BTBD9: variants seen among roughly 807,000 people sequenced by gnomAD.
The protein encoded by BTBD9 is BTB/POZ domain-containing protein 9.
A neutral mutation model predicts 64.3 loss-of-function variants in BTBD9; 49 were observed. The observed-to-expected ratio is 0.76, with a 90% CI of 0.61 to 0.97. The LOEUF is 0.97. BTBD9 is among the 50% of genes least tolerant of loss of function. BTBD9 has a pLI of 0.00. For synonymous variants in BTBD9, 260 were observed against 274.7 expected, an observed-to-expected ratio of 0.95 and a Z score of 0.53; for missense variants, 598 against 762.1, an observed-to-expected ratio of 0.78 and a Z score of 2.53.
intron 8 of BTBD9, among the ~76,000 whole-genome samples, chr6:38,260,405 A>G (rs1764749681): frequency 6.6e-6 from 1 of 152,230 alleles, no homozygotes; most frequent in African/African-American, 2.4e-5. Flanking sequence ...CCTTCTAGAT[A>G]ATCATAAGCT....
intron 1 of BTBD9, among the ~76,000 whole-genome samples, chr6:38,635,862 T>TA (rs1778512075): frequency 6.6e-6 from 1 of 152,144 alleles, no homozygotes; most frequent in African/African-American, 2.4e-5. Flanking sequence ...AAACATAAAA[T>TA]ATGAAATAGC....
intron 9 of BTBD9, among the ~76,000 whole-genome samples, chr6:38,224,717 C>T (rs1003428578): frequency 6.6e-6 from 1 of 152,186 alleles, no homozygotes; most frequent in Non-Finnish European, 1.5e-5. Flanking sequence ...GGTTCAAGTA[C>T]AAAGGTAACT....
At chr6:38,266,618 GAAAGA>G (rs1764994575) in intron 8 of BTBD9, among the ~76,000 whole-genome samples, 13 of 16,074 alleles carry the variant, frequency 8.1e-4, no homozygotes, top group Non-Finnish European at 1.2e-3. Context: ...AAGAAAGAAA[GAAAGA>G]AAGAAAGAAA....
At chr6:38,381,956 T>C (rs1765953223) in intron 6 of BTBD9, among the ~76,000 whole-genome samples, 1 of 152,232 alleles carries the variant, frequency 6.6e-6, no homozygotes, top group South Asian at 2.1e-4. Context: ...TAACAATTAC[T>C]AAAACTTGTG....
At chr6:38,507,568 G>A (rs1562275904) in intron 6 of BTBD9, among the ~76,000 whole-genome samples, 1 of 152,082 alleles carries the variant, frequency 6.6e-6, no homozygotes, top group South Asian at 2.1e-4. Context: ...ATGTCTTACT[G>A]ACCTCTCCGT....
intron 7 of BTBD9, among the ~76,000 whole-genome samples, chr6:38,313,557 T>C (rs938494041): frequency 1.3e-5 from 2 of 152,208 alleles, no homozygotes; most frequent in African/African-American, 4.8e-5. Flanking sequence ...ATGTTCCTTC[T>C]ATACCCAGTT....
At chr6:38,630,735 A>T (rs1778334849) in intron 1 of BTBD9, among the ~76,000 whole-genome samples, 1 of 152,234 alleles carries the variant, frequency 6.6e-6, no homozygotes, top group South Asian at 2.1e-4. Flanking sequence ...CAAAATATAA[A>T]CCTAACTGCA....
chr6:38,531,531 A>C (rs1469160567), intron 6 of BTBD9, among the ~76,000 whole-genome samples: 1 of 152,246 alleles, frequency 6.6e-6, no homozygotes, highest in African/African-American at 2.4e-5. Context: ...GAATACAAAG[A>C]AAAATGGAAT....
At chr6:38,549,196 A>T (rs1028123448) in intron 6 of BTBD9, among the ~76,000 whole-genome samples, 1 of 152,244 alleles carries the variant, frequency 6.6e-6, no homozygotes, top group African/African-American at 2.4e-5. Flanking sequence ...TGAGCTATGA[A>T]CGCTGGTAAG....
At chr6:38,569,798 G>A (rs922375039) in intron 6 of BTBD9, among the ~76,000 whole-genome samples, 31 of 151,368 alleles carry the variant, frequency 2.0e-4, no homozygotes, top group African/African-American at 7.3e-4. Context: ...GGATTTTTTT[G>A]CTATTGTTGT....
chr6:38,533,989 A>C (rs1462335737), intron 6 of BTBD9, among the ~76,000 whole-genome samples: 1 of 152,084 alleles, frequency 6.6e-6, no homozygotes, highest in African/African-American at 2.4e-5. Context: ...AAAAAGAGCA[A>C]ATCAAACCAA....
chr6:38,610,756 T>C (rs1582714344), intron 1 of BTBD9, among the ~76,000 whole-genome samples: 1 of 152,218 alleles, frequency 6.6e-6, no homozygotes, highest in East Asian at 1.9e-4. Flanking sequence ...AACAATGTTC[T>C]CATATACTGT....
intron 9 of BTBD9, among the ~76,000 whole-genome samples, chr6:38,234,553 A>T (rs867087904): frequency 6.6e-6 from 1 of 152,254 alleles, no homozygotes; most frequent in East Asian, 1.9e-4. Flanking sequence ...TTAGAAGTAA[A>T]TCCATTATAT....
At chr6:38,361,513 A>G (rs551122955) in intron 6 of BTBD9, among the ~76,000 whole-genome samples, 13 of 152,132 alleles carry the variant, frequency 8.5e-5, no homozygotes, top group African/African-American at 2.7e-4. Flanking sequence ...ACGGCGCTCC[A>G]GCCTGGGTAA....
intron 6 of BTBD9, among the ~76,000 whole-genome samples, chr6:38,412,846 G>A (rs994920168): frequency 4.1e-5 from 5 of 121,092 alleles, no homozygotes; most frequent in Non-Finnish European, 6.9e-5. Context: ...GTGACAAAGC[G>A]AGACTCCATC....
intron 6 of BTBD9, among the ~76,000 whole-genome samples, chr6:38,451,324 A>C (rs1769533815): frequency 6.6e-6 from 1 of 152,178 alleles, no homozygotes; most frequent in African/African-American, 2.4e-5. Context: ...GTGCTTACTA[A>C]AGTGCAAGTT....
chr6:38,256,692 G>A (rs1173420820), intron 8 of BTBD9, among the ~76,000 whole-genome samples, 176 bp from the exon 9 acceptor site: 1 of 152,158 alleles, frequency 6.6e-6, no homozygotes, highest in Admixed American at 6.5e-5. Flanking sequence ...TGCAGTGAGA[G>A]GCTTTTTATC....
intron 6 of BTBD9, among the ~76,000 whole-genome samples, chr6:38,520,855 G>A (rs1773243679): frequency 6.6e-6 from 1 of 152,132 alleles, no homozygotes; most frequent in African/African-American, 2.4e-5. Flanking sequence ...GCTGAGATGG[G>A]AGAATTGCTT....
At chr6:38,385,323 G>A (rs191817393) in intron 6 of BTBD9, among the ~76,000 whole-genome samples, 133 of 151,486 alleles carry the variant, frequency 8.8e-4, no homozygotes, top group Non-Finnish European at 1.6e-3. Flanking sequence ...CCAAGTAGCT[G>A]GGATTACAGG....
Sources: gnomAD v4.1 joint callset for allele counts (sites outside exome capture counted in the v4.1 genomes callset) on GRCh38, gnomAD v4.1.1 for gene constraint, MANE v1.5 for transcripts, NCBI Gene and HGNC (gene_info 2026-07-23, HGNC 2026-07-21) for gene names.